The following KCNT1 variants were observed in gnomAD, a reference collection of about 807,000 sequenced individuals.
KCNT1 encodes potassium sodium-activated channel subfamily T member 1, also known as potassium channel subfamily T member 1.
In KCNT1, 78 loss-of-function variants were observed where a neutral mutation model predicts 147.8. The observed-to-expected ratio is 0.53, with a 90% CI of 0.44 to 0.64. The LOEUF is 0.64. Ranked by LOEUF, KCNT1 falls within the 30% of genes least tolerant of loss-of-function variation. The pLI is 0.00. For synonymous variants in KCNT1, 867 were observed against 748.8 expected (o/e 1.16, Z -2.58); for missense variants, 1,419 against 1,750.3 (o/e 0.81, Z 3.38).
intron 1 of KCNT1, among the ~76,000 whole-genome samples, chr9:135,711,427 C>T (rs553610249): frequency 3.9e-5 from 6 of 152,368 alleles, no homozygotes; most frequent in Admixed American, 2.0e-4. Context: ...ACCTCAGTGA[C>T]GCTCCTTGGG....
chr9:135,703,396 C>G (rs910046127), intron 1 of KCNT1, among the ~76,000 whole-genome samples: 7 of 152,178 alleles, frequency 4.6e-5, no homozygotes, highest in Non-Finnish European at 8.8e-5. Context: ...GGAGGTAGGG[C>G]GGATGGTCTT....
At chr9:135,702,926 G>A (rs182256304) in intron 1 of KCNT1, 49 of 154,120 alleles carry the variant, frequency 3.2e-4, no homozygotes, top group Admixed American at 2.6e-3. Flanking sequence ...CTCGTTCCCC[G>A]CTGGCCTATC....
At position 135,795,464 on chromosome 9, in the gene KCNT1, AAAG is replaced by A. The variant is rs1347357532; in HGVS notation, c.*3306_*3308del. ...GTCTCAAACAAAACAAACAAACAAAAAAGAAAAAGAAAATAAAACTGTTTGCTC... is the reference window on the plus strand; with the variant it reads ...GTCTCAAACAAAACAAACAAACAAAAAAAAAGAAAATAAAACTGTTTGCTC... On this transcript the variant is annotated 3_prime_UTR_variant, in exon 31 of 31. Transcript: ENST00000371757. 6 of 152,310 alleles carry A rather than the reference AAAG, an allele frequency of 3.9e-5. No homozygotes were observed. Among genetic ancestry groups the A allele is most frequent in the East Asian group, 1.9e-4 (1 of 5,192 alleles). The allele number at this position is 152,310 out of a possible 1,614,324, so 9.4% of individuals were successfully genotyped here. A position where few individuals can be genotyped will look rare whatever the true frequency, so the allele number is the denominator to read the frequency against.
rs1487912663 is a variant in KCNT1, at chr9:135,732,039, GA to G, written c.254+17320del. ...AGAGAGAGAGAGAGAGAGAGAGAGA[GA>G]GGGAGTCTCACTCTGTCATCCAGGC... is the stretch of plus-strand genomic sequence containing the variant. On this transcript the variant is annotated intron_variant, in intron 2 of 30. Coordinates refer to ENST00000371757, the MANE Select transcript of KCNT1 (RefSeq NM_020822.3). Among the ~76,000 whole-genome samples, 7 of 139,664 alleles carry G rather than the reference GA, an allele frequency of 5.0e-5. 1 individual carries two copies. Among genetic ancestry groups the G allele is most frequent in the African/African-American group, 1.8e-4 (7 of 38,136 alleles). The allele number at this position is 139,664 out of a possible 152,430, so 91.6% of individuals were successfully genotyped here.
chr9:135,750,059 A>G, intron 2 of KCNT1, 39 bp from the exon 3 acceptor site: 1 of 1,552,274 alleles, frequency 6.4e-7, no homozygotes, highest in Non-Finnish European at 8.9e-7. Context: ...CTGAGTCCCC[A>G]CTGGCCCTGA....
At chr9:135,789,055 T>C (rs10858173) in intron 29 of KCNT1, 46,215 of 151,008 alleles carry the variant, frequency 0.31, 7,799 homozygotes, top group African/African-American at 0.46. Context: ...CTCCCGGCTC[T>C]GTGCTTTTCC....
chr9:135,760,980 G>A (rs1256987373), intron 11 of KCNT1, among the ~76,000 whole-genome samples: 9 of 151,930 alleles, frequency 5.9e-5, no homozygotes, highest in East Asian at 3.9e-4. Flanking sequence ...CTCTGTGACC[G>A]CCCCTCTCAC....
intron 11 of KCNT1, among the ~76,000 whole-genome samples, chr9:135,760,479 G>A (rs577845148): frequency 1.3e-4 from 20 of 152,232 alleles, no homozygotes; most frequent in Non-Finnish European, 2.9e-4. Context: ...ACCCCTGTGG[G>A]TGGTGGAACA....
chr9:135,751,150 G>T, intron 4 of KCNT1, 109 bp downstream of exon 4: 1 of 1,026,292 alleles, frequency 9.7e-7, no homozygotes, highest in Non-Finnish European at 1.5e-6. Context: ...CTGTGCCTGG[G>T]GCCTTGGGGA....
intron 24 of KCNT1, among the ~76,000 whole-genome samples, chr9:135,782,446 C>G (rs1833683526): frequency 6.6e-6 from 1 of 152,218 alleles, no homozygotes; most frequent in Non-Finnish European, 1.5e-5. Flanking sequence ...CACCAGGAGC[C>G]TTCCTTCAGG....
At chr9:135,777,639 C>A in intron 21 of KCNT1, 129 bp downstream of exon 21, 1 of 855,560 alleles carries the variant, frequency 1.2e-6, no homozygotes, top group Non-Finnish European at 1.8e-6. Flanking sequence ...TGGCCTGGTC[C>A]TCTCAGCTTT....
chr9:135,719,293 G>A (rs11788261), intron 2 of KCNT1, among the ~76,000 whole-genome samples: 39,975 of 152,186 alleles, frequency 0.26, 5,980 homozygotes, highest in Middle Eastern at 0.52. Context: ...AGGAGCCAGC[G>A]GGACAGGGGC....
intron 1 of KCNT1, among the ~76,000 whole-genome samples, chr9:135,703,600 C>G (rs1326467449): frequency 6.6e-6 from 1 of 152,180 alleles, no homozygotes; most frequent in African/African-American, 2.4e-5. Context: ...GAGGGACTAT[C>G]CGGGGGATGC....
intron 11 of KCNT1, among the ~76,000 whole-genome samples, chr9:135,760,666 A>T (rs556231869): frequency 5.3e-5 from 8 of 152,270 alleles, no homozygotes; most frequent in African/African-American, 1.4e-4. Flanking sequence ...GGCGTGGCCC[A>T]GGTATGGGCC....
intron 1 of KCNT1, 81 bp downstream of exon 1, chr9:135,702,449 C>A: frequency 9.1e-7 from 1 of 1,103,842 alleles, no homozygotes; most frequent in Non-Finnish European, 1.3e-6. Flanking sequence ...GGCTCCCGCA[C>A]CCTCCAGGAC....
chr9:135,734,216 C>T (rs1830241122), intron 2 of KCNT1, among the ~76,000 whole-genome samples: 2 of 152,182 alleles, frequency 1.3e-5, no homozygotes, highest in Non-Finnish European at 2.9e-5. Context: ...TCTCCAGGCT[C>T]CATGGGAGCA....
intron 2 of KCNT1, among the ~76,000 whole-genome samples, chr9:135,734,986 AGCAC>A (rs1333537419): frequency 4.6e-5 from 7 of 152,194 alleles, no homozygotes; most frequent in Non-Finnish European, 8.8e-5. Context: ...CTCACTCAGC[AGCAC>A]GCCCAGGAGA....
In KCNT1 at chr9:135,756,902, G is replaced by C. The variant is rs1831515969; in HGVS notation, c.570G>C (p.Glu190Asp). 1 of 1,613,254 alleles carries C rather than the reference G, an allele frequency of 6.2e-7. No homozygotes were observed. The highest frequency in any genetic ancestry group is 1.3e-5 in the African/African-American group (1 of 74,848). Residue 190 changes from glutamate to aspartate, a missense_variant, in exon 7 of 31, where the codon GAG (glutamate) becomes GAC (aspartate). By Grantham distance (45) the Glu-to-Asp change is conservative. Coordinates refer to ENST00000371757, the MANE Select transcript of KCNT1 (RefSeq NM_020822.3). ...QVIVAIISFL[E>D]TMLLIYLSYK... is the part of the protein sequence containing the mutation. ...TCGTGGCCATAATAAGCTTCCTGGA[G>C]ACGATGCTTCTCATCTACCTCAGCT...
At chr9:135,756,476 G>A (rs1472614062) in intron 6 of KCNT1, among the ~76,000 whole-genome samples, 2 of 152,160 alleles carry the variant, frequency 1.3e-5, no homozygotes, top group Non-Finnish European at 2.9e-5. Flanking sequence ...TGTTCCAGAG[G>A]GGTCAGTAGA....
Sources: gnomAD v4.1 joint callset for allele counts (sites outside exome capture counted in the v4.1 genomes callset) on GRCh38, gnomAD v4.1.1 for gene constraint, MANE v1.5 for transcripts, NCBI Gene and HGNC (gene_info 2026-07-23, HGNC 2026-07-21) for gene names.